IL15: variants seen among roughly 807,000 people sequenced by gnomAD.
IL15 encodes the protein interleukin 15.
A neutral mutation model predicts 19.6 loss-of-function variants in IL15; 11 were observed. That is an observed-to-expected ratio of 0.56 (90% CI 0.35 to 0.93). The LOEUF is 0.93. Among genes scored for constraint, IL15 ranks in the 40% least tolerant of loss-of-function variants. IL15 has a pLI of 0.01. For missense variants in IL15, 197 were observed against 186.5 expected (o/e 1.06, Z -0.33); for synonymous variants, 58 against 59.6 (o/e 0.97, Z 0.12).
chr4:141,722,130 A>G, intron 5 of IL15, 122 bp downstream of exon 5: 1 of 1,240,972 alleles, frequency 8.1e-7, no homozygotes. Context: ...GTAGAAATTT[A>G]TGATCTTATA....
intron 2 of IL15, among the ~76,000 whole-genome samples, chr4:141,691,249 C>G (rs1056515421): frequency 6.6e-6 from 1 of 152,182 alleles, no homozygotes; most frequent in African/African-American, 2.4e-5. Context: ...ATGATCCAAT[C>G]ACCTCACACC....
intron 4 of IL15, 167 bp downstream of exon 4, chr4:141,720,733 C>G: frequency 1.6e-6 from 1 of 628,344 alleles, no homozygotes; most frequent in Non-Finnish European, 2.8e-6. Flanking sequence ...GTTTGGTAAA[C>G]ACCTAACTGA....
chr4:141,731,251 C>T (rs1730441974), intron 7 of IL15, among the ~76,000 whole-genome samples: 1 of 152,066 alleles, frequency 6.6e-6, no homozygotes, highest in South Asian at 2.1e-4. Flanking sequence ...CTCCCTGTCC[C>T]CTTCTCTGCG....
At chr4:141,702,400 T>G (rs1560927640) in intron 2 of IL15, among the ~76,000 whole-genome samples, 1 of 152,186 alleles carries the variant, frequency 6.6e-6, no homozygotes, top group Non-Finnish European at 1.5e-5. Flanking sequence ...TCCAGTGATG[T>G]GACCTTTTTT....
intron 2 of IL15, among the ~76,000 whole-genome samples, chr4:141,657,936 A>G (rs1480904173): frequency 6.6e-6 from 1 of 152,266 alleles, no homozygotes; most frequent in Non-Finnish European, 1.5e-5. Context: ...TACTGCATAT[A>G]ATTTTATGTT....
intron 2 of IL15, among the ~76,000 whole-genome samples, chr4:141,701,186 T>A (rs1729290917): frequency 6.6e-6 from 1 of 152,170 alleles, no homozygotes; most frequent in African/African-American, 2.4e-5. Context: ...TTATAGAACC[T>A]TGTTTTGTCA....
Position 141,732,999 on chromosome 4 carries a change from G to T in IL15, c.*151G>T. On this transcript the variant is annotated 3_prime_UTR_variant, in exon 8 of 8. Coordinates refer to ENST00000320650, the MANE Select transcript of IL15 (RefSeq NM_000585.5). ...AGACCTTGGATCAGATGAACTCTTA[G>T]AAATGAAGGCAGAAAAATGTCATTG... is the stretch of plus-strand genomic sequence containing the variant. 1 of 1,240,238 alleles carries T rather than the reference G, an allele frequency of 8.1e-7. No homozygotes were observed. Among genetic ancestry groups the T allele is most frequent in the Admixed American group, 3.6e-5 (1 of 27,956 alleles). The allele number at this position is 1,240,238 out of a possible 1,614,324, so 76.8% of individuals were successfully genotyped here.
At chr4:141,713,964 C>G in intron 2 of IL15, among the ~76,000 whole-genome samples, 1 of 152,084 alleles carries the variant, frequency 6.6e-6, no homozygotes, top group East Asian at 1.9e-4. Flanking sequence ...AAACACATAC[C>G]ACCCTAATGA....
intron 2 of IL15, among the ~76,000 whole-genome samples, chr4:141,698,699 T>G (rs2152180699): frequency 6.6e-6 from 1 of 152,300 alleles, no homozygotes; most frequent in East Asian, 1.9e-4. Flanking sequence ...GTTTCATTTC[T>G]AATTGAGCTT....
intron 2 of IL15, among the ~76,000 whole-genome samples, chr4:141,675,363 AAATT>A (rs1395221935): frequency 1.3e-5 from 2 of 152,176 alleles, no homozygotes; most frequent in South Asian, 4.1e-4. Flanking sequence ...TGGAGGCATA[AAATT>A]AATTGTGGTA....
Position 141,733,028 on chromosome 4 carries a change from A to T in IL15, c.*180A>T. 1 of 850,130 alleles carries T rather than the reference A, an allele frequency of 1.2e-6. No individual in the cohort carries two copies. The highest frequency in any genetic ancestry group is 1.6e-6 in the Non-Finnish European group (1 of 608,772). 52.7% of individuals were successfully genotyped at this position (850,130 alleles called of 1,614,324 possible). A position where few individuals can be genotyped will look rare whatever the true frequency, so the allele number is the denominator to read the frequency against. ...TGAAGGCAGAAAAATGTCATTGAGT[A>T]ATATAGTGACTATGAACTTCTCTCA... On this transcript the variant is annotated 3_prime_UTR_variant, in exon 8 of 8. Coordinates refer to ENST00000320650, the MANE Select transcript of IL15 (RefSeq NM_000585.5).
At chr4:141,693,986 G>C (rs1199788885) in intron 2 of IL15, among the ~76,000 whole-genome samples, 1 of 152,218 alleles carries the variant, frequency 6.6e-6, no homozygotes, top group Non-Finnish European at 1.5e-5. Context: ...AGCAGTGTCA[G>C]AAAAACTGGT....
At chr4:141,715,583 T>A (rs544218862) in intron 2 of IL15, 1 of 152,338 alleles carries the variant, frequency 6.6e-6, no homozygotes, top group East Asian at 1.9e-4. Context: ...TCTGCCATCA[T>A]TGATGTATTC....
intron 1 of IL15, chr4:141,637,175 C>T (rs2152147801): frequency 6.6e-6 from 1 of 152,318 alleles, no homozygotes; most frequent in East Asian, 1.9e-4. Context: ...GTCCCGCAGC[C>T]CTGAGGGCTG....
At chr4:141,710,523 T>C (rs1317437902) in intron 2 of IL15, among the ~76,000 whole-genome samples, 1 of 152,196 alleles carries the variant, frequency 6.6e-6, no homozygotes, top group East Asian at 1.9e-4. Context: ...GTCTACTTTT[T>C]AACTAATGTT....
intron 2 of IL15, chr4:141,689,130 C>CA (rs1728810663): frequency 6.4e-6 from 1 of 155,228 alleles, no homozygotes; most frequent in Admixed American, 6.5e-5. Flanking sequence ...AAGCTGCAGA[C>CA]CTTCGCGGTG....
rs376356543 is a variant in IL15, at chr4:141,637,379, G to T, written c.-222+631G>T. The stretch of plus-strand genomic sequence containing the variant: ...CGTCTTCTGGGAGAGAAATTTGCAG[G>T]AATGGTCAGTGCTTGGCAGTCAGGC... On this transcript the variant is annotated intron_variant, in intron 1 of 7. Transcript: ENST00000320650. Among the ~76,000 whole-genome samples the T allele has an allele frequency of 1.0e-3, 154 of 152,146 alleles. 2 individuals are homozygous for T. The South Asian group carries it at 0.028, about 28-fold the overall frequency.
At chr4:141,728,108 T>C in intron 6 of IL15, 124 bp downstream of exon 6, 1 of 570,968 alleles carries the variant, frequency 1.8e-6, no homozygotes, top group Non-Finnish European at 3.0e-6. Flanking sequence ...CTATAATATA[T>C]GGTCAATGAG....
chr4:141,719,547 G>T, intron 3 of IL15, 71 bp downstream of exon 3: 1 of 1,225,076 alleles, frequency 8.2e-7, no homozygotes, highest in Non-Finnish European at 1.2e-6. Flanking sequence ...CAGAGTCTTT[G>T]CAATAAGTTA....
Sources: allele counts gnomAD v4.1 joint callset (sites outside exome capture counted in the v4.1 genomes callset), GRCh38; gene constraint gnomAD v4.1.1; transcripts MANE v1.5; gene names NCBI Gene and HGNC (gene_info 2026-07-23, HGNC 2026-07-21).